Variants in NELL2 observed in about 807,000 individuals in gnomAD.
NELL2 encodes neural EGFL like 2.
A neutral mutation model predicts 109.6 loss-of-function variants in NELL2; 41 were observed. That is an observed-to-expected ratio of 0.37 (90% CI 0.29 to 0.49). The LOEUF is 0.49. Among genes scored for constraint, NELL2 ranks in the 20% least tolerant of loss-of-function variants. The pLI is 0.98. For synonymous variants in NELL2, 355 were observed against 344.7 expected, an observed-to-expected ratio of 1.03 and a Z score of -0.33; for missense variants, 900 against 1,008.3, an observed-to-expected ratio of 0.89 and a Z score of 1.45.
At chr12:44,892,463 G>A (rs760176302) in intron 1 of NELL2, among the ~76,000 whole-genome samples, 1 of 152,060 alleles carries the variant, frequency 6.6e-6, no homozygotes, top group African/African-American at 2.4e-5. Context: ...ATCAAAAATA[G>A]CCCTATAAGG....
rs116706603 is a variant in NELL2 at position 44,592,826 on chromosome 12, T to A, written c.1663+14343A>T. The stretch of plus-strand genomic sequence containing the variant: ...CTGGTTGCATTAAGAGAGCAGAAAC[T>A]TAAACTTCATTAGCTTAATGGAAAA... On this transcript the variant is annotated intron_variant, in intron 15 of 19. Transcript: ENST00000429094. Among the ~76,000 whole-genome samples, 117 of 152,322 alleles carry A rather than the reference T, an allele frequency of 7.7e-4. 1 individual carries two copies. Among genetic ancestry groups the A allele is most frequent in the African/African-American group, 2.7e-3 (114 of 41,576 alleles).
chr12:44,642,308 T>C (rs1188799839), intron 13 of NELL2, among the ~76,000 whole-genome samples: 2 of 151,826 alleles, frequency 1.3e-5, no homozygotes, highest in Non-Finnish European at 1.5e-5. Flanking sequence ...CCAAAATAGA[T>C]TAAAGAGTCA....
At chr12:44,594,705 G>C (rs192907174) in intron 15 of NELL2, among the ~76,000 whole-genome samples, 73 of 152,228 alleles carry the variant, frequency 4.8e-4, no homozygotes, top group African/African-American at 1.7e-3. Context: ...AGAAAATATA[G>C]TGTAAATATT....
chr12:44,786,989 C>T (rs748363258), intron 3 of NELL2, among the ~76,000 whole-genome samples: 37 of 152,002 alleles, frequency 2.4e-4, no homozygotes, highest in Non-Finnish European at 4.3e-4. Context: ...ACATGTATAC[C>T]TATGTAACAA....
At chr12:44,846,962 A>G (rs1213669423) in intron 2 of NELL2, among the ~76,000 whole-genome samples, 1 of 152,240 alleles carries the variant, frequency 6.6e-6, no homozygotes, top group Non-Finnish European at 1.5e-5. Context: ...CAGCCACAGG[A>G]CTTCTGAAAG....
intron 14 of NELL2, among the ~76,000 whole-genome samples, chr12:44,608,262 C>A (rs1945477969): frequency 6.6e-6 from 1 of 152,038 alleles, no homozygotes; most frequent in Non-Finnish European, 1.5e-5. Flanking sequence ...AGGTAGAATA[C>A]ACTTTTTCAG....
intron 3 of NELL2, among the ~76,000 whole-genome samples, chr12:44,797,011 A>G (rs1044624352): frequency 6.6e-6 from 1 of 152,182 alleles, no homozygotes; most frequent in Non-Finnish European, 1.5e-5. Context: ...GGCATTGCAT[A>G]TATTTTTAAA....
At chr12:44,634,992 A>T (rs529563083) in intron 13 of NELL2, among the ~76,000 whole-genome samples, 27 of 152,138 alleles carry the variant, frequency 1.8e-4, no homozygotes, top group Non-Finnish European at 3.5e-4. Flanking sequence ...GGCGTGAGAT[A>T]GTATCTCATT....
intron 9 of NELL2, among the ~76,000 whole-genome samples, chr12:44,756,354 A>T (rs1163915765): frequency 6.6e-6 from 1 of 152,056 alleles, no homozygotes; most frequent in Non-Finnish European, 1.5e-5. Context: ...ATGCTAGTGA[A>T]TACGTGCCAT....
chr12:44,678,349 A>G (rs1948384583), intron 12 of NELL2, among the ~76,000 whole-genome samples: 2 of 152,094 alleles, frequency 1.3e-5, no homozygotes, highest in African/African-American at 4.8e-5. Context: ...AATTCAATCC[A>G]GAAGATAACT....
At chr12:44,791,137 ACACG>A (rs1942401386) in intron 3 of NELL2, among the ~76,000 whole-genome samples, 1 of 100,074 alleles carries the variant, frequency 1.0e-5, no homozygotes, top group Non-Finnish European at 1.9e-5. Context: ...ATATATATAC[ACACG>A]CACACACATA....
intron 2 of NELL2, among the ~76,000 whole-genome samples, chr12:44,870,642 C>G (rs1945135360): frequency 6.6e-6 from 1 of 152,172 alleles, no homozygotes; most frequent in South Asian, 2.1e-4. Context: ...AAACTGCCTG[C>G]AGTCCTTGGC....
At chr12:44,641,273 A>G (rs966913070) in intron 13 of NELL2, among the ~76,000 whole-genome samples, 5 of 152,224 alleles carry the variant, frequency 3.3e-5, no homozygotes, top group Non-Finnish European at 7.3e-5. Flanking sequence ...CAGCTAAATC[A>G]TATTTTTCCC....
chr12:44,703,666 T>G lies in NELL2; in HGVS notation c.1318+60A>C, dbSNP rs1937683426. On this transcript the variant is annotated intron_variant, in intron 12 of 19. Transcript: ENST00000429094. Reference sequence around the variant, plus strand: ...TGACAACCTGGGAACTTAATAAATTTTGCATGCAGTAATCCTAGAAAATTT... The same window carrying G: ...TGACAACCTGGGAACTTAATAAATTGTGCATGCAGTAATCCTAGAAAATTT... 6 of 1,587,368 alleles carry G rather than the reference T, an allele frequency of 3.8e-6. No individual in the cohort carries two copies. The South Asian group carries it at 5.7e-5, about 15-fold the overall frequency.
chr12:44,791,123 A>ATATATATATATGTATATTTATATG lies in NELL2; in HGVS notation c.336-11102_336-11101insCATATAAATATACATATATATATA, dbSNP rs1566404501. Among the ~76,000 whole-genome samples the ATATATATATATGTATATTTATATG allele has an allele frequency of 6.8e-4, 66 of 96,352 alleles. 3 individuals are homozygous for ATATATATATATGTATATTTATATG. The highest frequency in any genetic ancestry group is 1.9e-3 in the African/African-American group (42 of 22,162). The allele number at this position is 96,352 out of a possible 152,430, so 63.2% of individuals were successfully genotyped here. A position where few individuals can be genotyped will look rare whatever the true frequency, so the allele number is the denominator to read the frequency against. On this transcript the variant is annotated intron_variant, in intron 3 of 19. Coordinates refer to ENST00000429094, the MANE Select transcript of NELL2 (RefSeq NM_001145108.2). ...TATATATATATGTATATATATATGT[A>ATATATATATATGTATATTTATATG]TATATATATATACACACGCACACAC...
chr12:44,783,014 C>T (rs1034192480), intron 3 of NELL2, among the ~76,000 whole-genome samples: 9 of 151,850 alleles, frequency 5.9e-5, no homozygotes, highest in Non-Finnish European at 1.2e-4. Context: ...CTCAACAAAA[C>T]AACATTTTAA....
chr12:44,875,156 G>A, intron 2 of NELL2, 69 bp downstream of exon 2: 1 of 1,553,512 alleles, frequency 6.4e-7, no homozygotes, highest in Non-Finnish European at 8.7e-7. Flanking sequence ...TAGGACAAGC[G>A]GCAAGAGCAA....
chr12:44,679,243 G>A (rs1948418595), intron 12 of NELL2, among the ~76,000 whole-genome samples: 1 of 152,096 alleles, frequency 6.6e-6, no homozygotes, highest in Non-Finnish European at 1.5e-5. Context: ...TGAAATTGGA[G>A]CAGGAGGATG....
intron 2 of NELL2, among the ~76,000 whole-genome samples, chr12:44,827,933 T>G (rs1439936158): frequency 1.3e-5 from 2 of 152,216 alleles, no homozygotes. Flanking sequence ...CCACTAACAG[T>G]ATATGCGGGT....
Sources: gnomAD v4.1 joint callset for allele counts (sites outside exome capture counted in the v4.1 genomes callset) on GRCh38, gnomAD v4.1.1 for gene constraint, MANE v1.5 for transcripts, NCBI Gene and HGNC (gene_info 2026-07-23, HGNC 2026-07-21) for gene names.